The following TTLL11 variants were observed in gnomAD, a reference collection of about 807,000 sequenced individuals.
The protein encoded by TTLL11 is tubulin polyglutamylase TTLL11.
A neutral mutation model predicts 51.7 loss-of-function variants in TTLL11; 42 were observed. The observed-to-expected ratio is 0.81, with a 90% CI of 0.64 to 1.05. The LOEUF is 1.05. Ranked by LOEUF, TTLL11 falls within the 50% of genes least tolerant of loss-of-function variation. The probability of loss-of-function intolerance (pLI) is 0.00; values close to 1 mark genes in which losing one functional copy is unlikely to be tolerated. For synonymous variants in TTLL11, 381 were observed against 383.5 expected, an observed-to-expected ratio of 0.99 and a Z score of 0.08; for missense variants, 799 against 940.4, an observed-to-expected ratio of 0.85 and a Z score of 1.97.
At chr9:122,000,237 C>T (rs539470782) in intron 3 of TTLL11, among the ~76,000 whole-genome samples, 29 of 152,030 alleles carry the variant, frequency 1.9e-4, no homozygotes, top group South Asian at 1.2e-3. Context: ...TTTGAGAGGC[C>T]GAGGCAGGCG....
intron 8 of TTLL11, among the ~76,000 whole-genome samples, chr9:121,851,185 G>A (rs1418283686): frequency 6.6e-6 from 1 of 152,172 alleles, no homozygotes; most frequent in African/African-American, 2.4e-5. Context: ...GGAGGGGAGG[G>A]CTGAACAGGG....
At chr9:121,844,318 A>C (rs1564269304) in intron 8 of TTLL11, among the ~76,000 whole-genome samples, 1 of 152,160 alleles carries the variant, frequency 6.6e-6, no homozygotes, top group African/African-American at 2.4e-5. Flanking sequence ...AACAAAAAAA[A>C]CAATTGGAGG....
chr9:122,023,133 G>C (rs1844225901), intron 3 of TTLL11, among the ~76,000 whole-genome samples: 2 of 151,856 alleles, frequency 1.3e-5, no homozygotes, highest in Non-Finnish European at 2.9e-5. Flanking sequence ...GGTATCATTA[G>C]TAAAGGTAAA....
intron 1 of TTLL11, among the ~76,000 whole-genome samples, chr9:122,082,501 C>CAAAAAA (rs35349693): frequency 1.1e-4 from 9 of 84,660 alleles, no homozygotes; most frequent in African/African-American, 1.5e-4. Context: ...GACTCTGTCT[C>CAAAAAA]AAAAAAAAAA....
At chr9:121,860,898 GTTC>G (rs1390419971) in intron 7 of TTLL11, among the ~76,000 whole-genome samples, 1 of 152,162 alleles carries the variant, frequency 6.6e-6, no homozygotes, top group African/African-American at 2.4e-5. Context: ...TTTGGATTGT[GTTC>G]TGGGTCTGGA....
chr9:122,082,760 C>T (rs1414875963), intron 1 of TTLL11, among the ~76,000 whole-genome samples: 1 of 152,102 alleles, frequency 6.6e-6, no homozygotes, highest in Non-Finnish European at 1.5e-5. Context: ...CTGCTGGGTA[C>T]AGTGGCTCAC....
chr9:121,942,733 GTCT>G (rs1478544209), intron 6 of TTLL11, among the ~76,000 whole-genome samples: 2 of 132,436 alleles, frequency 1.5e-5, no homozygotes, highest in Admixed American at 8.1e-5. Flanking sequence ...TTTCTAATCT[GTCT>G]TATTTTTTTT....
intron 6 of TTLL11, among the ~76,000 whole-genome samples, chr9:121,965,489 C>T (rs1842373065): frequency 6.6e-6 from 1 of 152,148 alleles, no homozygotes; most frequent in Admixed American, 6.5e-5. Flanking sequence ...GGGAAACTGC[C>T]CCCATGATCC....
intron 7 of TTLL11, among the ~76,000 whole-genome samples, chr9:121,863,469 A>AT (rs142790042): frequency 1.3e-5 from 2 of 151,956 alleles, no homozygotes; most frequent in South Asian, 2.1e-4. Flanking sequence ...GTATATAGTC[A>AT]TTTTTTTTCT....
chr9:121,889,300 G>C (rs1407734114), intron 6 of TTLL11, among the ~76,000 whole-genome samples: 1 of 152,160 alleles, frequency 6.6e-6, no homozygotes, highest in Admixed American at 6.5e-5. Context: ...AGGAGCTCTG[G>C]AGTTGGGCTG....
At chr9:121,959,462 C>T (rs896777579) in intron 6 of TTLL11, among the ~76,000 whole-genome samples, 8 of 152,180 alleles carry the variant, frequency 5.3e-5, no homozygotes, top group African/African-American at 1.7e-4. Flanking sequence ...CTTCTGGGAC[C>T]TCCATGACTG....
intron 6 of TTLL11, among the ~76,000 whole-genome samples, chr9:121,887,932 G>A: frequency 6.6e-6 from 1 of 152,122 alleles, no homozygotes; most frequent in East Asian, 1.9e-4. Flanking sequence ...CACCCAGTGG[G>A]GGTCTGGAGT....
intron 1 of TTLL11, among the ~76,000 whole-genome samples, chr9:122,039,569 T>C (rs1787715389): frequency 6.6e-6 from 1 of 152,196 alleles, no homozygotes; most frequent in South Asian, 2.1e-4. Flanking sequence ...TTGTTCCAAG[T>C]GGTAGAGCTC....
chr9:122,089,080 T>G (rs905745959), intron 1 of TTLL11, among the ~76,000 whole-genome samples: 1 of 151,190 alleles, frequency 6.6e-6, no homozygotes, highest in Admixed American at 6.6e-5. Context: ...TGAGCAAACT[T>G]CTGAATTCAC....
chr9:121,827,632 G>A (rs900702793), intron 8 of TTLL11, among the ~76,000 whole-genome samples: 2 of 152,196 alleles, frequency 1.3e-5, no homozygotes, highest in African/African-American at 4.8e-5. Flanking sequence ...CAAACTGCAC[G>A]CCATGAGCAT....
intron 3 of TTLL11, among the ~76,000 whole-genome samples, chr9:122,026,464 G>A (rs988212591): frequency 9.2e-5 from 14 of 151,478 alleles, no homozygotes; most frequent in Admixed American, 7.9e-4. Context: ...AGAAGGGAAG[G>A]ACAGAAGGAT....
chr9:121,864,024 G>A (rs1237598651), intron 7 of TTLL11, among the ~76,000 whole-genome samples: 1 of 152,182 alleles, frequency 6.6e-6, no homozygotes, highest in African/African-American at 2.4e-5. Context: ...TTTGGGATAT[G>A]GGGCTGGGGC....
At position 122,092,255 on chromosome 9, in the gene TTLL11, G is replaced by A. The variant is rs1332695347; in HGVS notation, c.462+432C>T. Among the ~76,000 whole-genome samples the A allele has an allele frequency of 4.6e-5, 7 of 152,294 alleles. No homozygotes were observed. The East Asian group carries it at 1.4e-3, about 29-fold the overall frequency. The stretch of plus-strand genomic sequence containing the variant: ...GTGTAGTGAGACCCTAGGCCTGTCT[G>A]CCTCCAAAATAAAAAGTGTTCCTCT... On this transcript the variant is annotated intron_variant, in intron 1 of 8. Coordinates refer to ENST00000321582, the MANE Select transcript of TTLL11 (RefSeq NM_001139442.2).
rs1358130627 is a variant in TTLL11 at position 121,933,592 on chromosome 9, G to A, written c.1481+40417C>T. Among the ~76,000 whole-genome samples the A allele has an allele frequency of 2.6e-5, 4 of 151,918 alleles. No homozygotes were observed. In the East Asian group the frequency reaches 7.7e-4, roughly 29 times the overall value. On this transcript the variant is annotated intron_variant, in intron 6 of 8. Coordinates refer to ENST00000321582, the MANE Select transcript of TTLL11 (RefSeq NM_001139442.2). Reference sequence around the variant, plus strand: ...ATTTCCAAAACAGAAATGAAGGCAGGAAAAATATTCACTCATTTAAAAACA... The same window carrying A: ...ATTTCCAAAACAGAAATGAAGGCAGAAAAAATATTCACTCATTTAAAAACA...
Sources: gnomAD v4.1 joint callset for allele counts (sites outside exome capture counted in the v4.1 genomes callset) on GRCh38, gnomAD v4.1.1 for gene constraint, MANE v1.5 for transcripts, NCBI Gene and HGNC (gene_info 2026-07-23, HGNC 2026-07-21) for gene names.